DDX11: variants seen among roughly 807,000 people sequenced by gnomAD.
DDX11 encodes the protein ATP-dependent DNA helicase DDX11.
Under a neutral mutation model 125.2 loss-of-function variants are expected in DDX11, and 72 were observed. That is an observed-to-expected ratio of 0.58 (90% CI 0.48 to 0.70). The LOEUF (loss-of-function observed/expected upper bound fraction) is 0.70, where lower values mean the gene tolerates loss of function less well. DDX11 is among the 30% of genes least tolerant of loss of function. DDX11 has a pLI of 0.00. For synonymous variants in DDX11, 347 were observed against 452.6 expected (o/e 0.77, Z 2.96); for missense variants, 883 against 1,165.0 (o/e 0.76, Z 3.52).
intron 4 of DDX11, 33 bp from the exon 5 acceptor site, chr12:31,084,936 T>G: frequency 6.3e-7 from 1 of 1,583,316 alleles, no homozygotes; most frequent in Non-Finnish European, 8.6e-7. Context: ...TGAGACTTCT[T>G]CCTCCCTCAC....
chr12:31,099,939 T>G (rs1398051481), intron 18 of DDX11, among the ~76,000 whole-genome samples: 2 of 152,216 alleles, frequency 1.3e-5, no homozygotes, highest in African/African-American at 4.8e-5. Context: ...TTCCCTTTCC[T>G]GTTTTATTTA....
Position 31,102,314 on chromosome 12 carries a change from G to A in DDX11, c.2271+3G>A. ...TGGCATATTCCAGGTGCATCCAGGT[G>A]CGGGCGTCATGCTGGGCTTGGGTCT... On this transcript the variant is annotated splice_donor_region_variant and intron_variant, in intron 22 of 26. Coordinates refer to ENST00000542838, the MANE Select transcript of DDX11 (RefSeq NM_030653.4). The A allele has an allele frequency of 6.2e-7, 1 of 1,614,062 alleles. No individual in the cohort carries two copies. The highest frequency in any genetic ancestry group is 2.2e-5 in the East Asian group (1 of 44,886).
rs775380487 is a variant in DDX11 at position 31,097,904 on chromosome 12, C to T, written c.1782C>T (p.Thr594=). The T allele has an allele frequency of 3.1e-6, 5 of 1,613,140 alleles. No individual in the cohort carries two copies. The highest frequency in any genetic ancestry group is 4.2e-6 in the Non-Finnish European group (5 of 1,179,654). Residue 594 remains threonine, a synonymous_variant, in exon 18 of 27, where the codon ACC becomes ACT. Coordinates refer to ENST00000542838, the MANE Select transcript of DDX11 (RefSeq NM_030653.4). ...TTCCAGGCAGCCTCAGTCAGAGCAC[C>T]CTGAAGTTTTTGCTCCTGAATCCAG... ...LSRQGSLSQS[T]LKFLLLNPAV...
rs183260882 is a variant in DDX11 at position 31,102,278 on chromosome 12, G to A, written c.2238G>A (p.Glu746=). ...AACCTAAGAGCGCACACCAGGTGGA[G>A]CAGGTGCTGCTGGCATATTCCAGGT... The part of the protein sequence containing the change: ...FQEPKSAHQV[E]QVLLAYSRCI... Residue 746 remains glutamate (E), a synonymous_variant, in exon 22 of 27, where the codon GAG becomes GAA. Coordinates refer to ENST00000542838, the MANE Select transcript of DDX11 (RefSeq NM_030653.4). 4 of 1,614,200 alleles carry A rather than the reference G, an allele frequency of 2.5e-6. No individual in the cohort carries two copies. Among genetic ancestry groups the A allele is most frequent in the East Asian group, 4.5e-5 (2 of 44,888 alleles).
intron 2 of DDX11, among the ~76,000 whole-genome samples, chr12:31,083,101 C>T (rs370341765): frequency 6.6e-6 from 1 of 152,112 alleles, no homozygotes; most frequent in Non-Finnish European, 1.5e-5. Context: ...AGGAATACAA[C>T]TCAATCAGGC....
chr12:31,103,445 G>GGAGAA (rs1271362006), intron 25 of DDX11, 50 bp downstream of exon 25: 8 of 1,602,096 alleles, frequency 5.0e-6, no homozygotes, highest in Non-Finnish European at 6.8e-6. Flanking sequence ...CTGGAGAAAG[G>GGAGAA]GAGAACAGGA....
intron 18 of DDX11, among the ~76,000 whole-genome samples, chr12:31,098,687 G>A (rs573311426): frequency 6.6e-6 from 1 of 152,286 alleles, no homozygotes; most frequent in East Asian, 1.9e-4. Context: ...CTGAAGCAGT[G>A]CTTCCCAGCC....
chr12:31,096,763 G>T lies in DDX11; in HGVS notation c.1630+18G>T. 1 of 1,614,192 alleles carries T rather than the reference G, an allele frequency of 6.2e-7. No homozygotes were observed. Among genetic ancestry groups the T allele is most frequent in the Non-Finnish European group, 8.5e-7 (1 of 1,180,022 alleles). ...GACTGAAGGTGAGGCAGGAGGGTGGGCAGGCAGAGCCGGCTGCACGCATGG... is the reference window on the plus strand; with the variant it reads ...GACTGAAGGTGAGGCAGGAGGGTGGTCAGGCAGAGCCGGCTGCACGCATGG... On this transcript the variant is annotated intron_variant, in intron 16 of 26. Transcript: ENST00000542838.
At chr12:31,102,609 C>T in intron 23 of DDX11, 82 bp downstream of exon 23, 1 of 1,343,524 alleles carries the variant, frequency 7.4e-7, no homozygotes, top group Non-Finnish European at 1.1e-6. Flanking sequence ...TGCCTGCTCT[C>T]TGCTGCCATT....
rs778916509 is a variant in DDX11 at position 31,102,445 on chromosome 12, G to A, written c.2290G>A (p.Gly764Ser). The change falls in exon 23 of 27, where the codon GGC becomes AGC. Residue 764 changes from glycine (G) to serine (S), a missense_variant. Around this residue, in one of 5 missense-constraint regions of DDX11, gnomAD observed 285 missense variants for 346.0 expected, o/e 0.82. Transcript: ENST00000542838. ...RCIQACGQERGQVTGALLLSV... is the reference protein window; with the variant it reads ...RCIQACGQERSQVTGALLLSV... ...CCTACAGGCCTGTGGCCAGGAGAGA[G>A]GCCAGGTGACAGGGGCCCTGCTCCT... 3.7e-6 allele frequency: 6 copies of A among 1,614,038 alleles called. No individual in the cohort carries two copies. Among genetic ancestry groups the A allele is most frequent in the Admixed American group, 1.7e-5 (1 of 60,006 alleles).
chr12:31,082,363 G>A (rs1447147103), intron 2 of DDX11, among the ~76,000 whole-genome samples: 2 of 151,884 alleles, frequency 1.3e-5, no homozygotes, highest in Non-Finnish European at 2.9e-5. Context: ...GGAAGGTGCC[G>A]CTGTTGTCAT....
intron 8 of DDX11, 93 bp from the exon 9 acceptor site, chr12:31,089,793 G>A (rs1159686391): frequency 6.4e-7 from 1 of 1,551,844 alleles, no homozygotes; most frequent in Admixed American, 2.0e-5. Flanking sequence ...CTACCCCATG[G>A]AAGTGGGTCT....
At chr12:31,086,720 G>C (rs1943226629) in intron 5 of DDX11, among the ~76,000 whole-genome samples, 1 of 150,984 alleles carries the variant, frequency 6.6e-6, no homozygotes, top group South Asian at 2.1e-4. Context: ...CTGTAGGTCA[G>C]CTTCTGGGGC....
Position 31,099,659 on chromosome 12 carries a change from C to T in DDX11, c.1876-976C>T, listed in dbSNP as rs555775052. On this transcript the variant is annotated intron_variant, in intron 18 of 26. Transcript: ENST00000542838. Reference sequence around the variant, plus strand: ...GAACCAGGCTTCTCTCCGTGTGCTTCTGTTGTCAGTTTCATAGATAACTAG... The same window carrying T: ...GAACCAGGCTTCTCTCCGTGTGCTTTTGTTGTCAGTTTCATAGATAACTAG... Among the ~76,000 whole-genome samples, 92 of 151,938 alleles carry T rather than the reference C, an allele frequency of 6.1e-4. 1 individual carries two copies. In the South Asian group the frequency reaches 0.011, roughly 18 times the overall value.
At chr12:31,085,386 C>T (rs1465903371) in intron 5 of DDX11, among the ~76,000 whole-genome samples, 1 of 152,230 alleles carries the variant, frequency 6.6e-6, no homozygotes, top group Non-Finnish European at 1.5e-5. Context: ...GCCTTATACA[C>T]AAGGAGGCTG....
chr12:31,081,525 T>C (rs908727520), intron 2 of DDX11, among the ~76,000 whole-genome samples: 9 of 151,352 alleles, frequency 5.9e-5, no homozygotes, highest in African/African-American at 2.2e-4. Context: ...GTTCCGGGAG[T>C]CATCCAACCT....
chr12:31,096,610 T>A (rs781327101), intron 15 of DDX11, 27 bp from the exon 16 acceptor site: 2 of 1,611,886 alleles, frequency 1.2e-6, no homozygotes, highest in South Asian at 2.2e-5. Flanking sequence ...CTCGTTCCTC[T>A]CCACTGCTCT....
chr12:31,093,962 A>G (rs984513502), intron 12 of DDX11, among the ~76,000 whole-genome samples: 13 of 149,648 alleles, frequency 8.7e-5, no homozygotes, highest in African/African-American at 3.0e-4. Flanking sequence ...AAGCACTTGC[A>G]TATGCGGTTT....
chr12:31,083,502 CCTT>C (rs1369912089), intron 2 of DDX11, among the ~76,000 whole-genome samples: 6 of 151,968 alleles, frequency 3.9e-5, no homozygotes, highest in South Asian at 2.1e-4. Flanking sequence ...TAATGTCTCC[CCTT>C]CTTCTAATTA....
Sources: gnomAD v4.1 joint callset for allele counts (sites outside exome capture counted in the v4.1 genomes callset) on GRCh38, gnomAD v4.1.1 for gene constraint, gnomAD v4.1.1 regional missense constraint, MANE v1.5 for transcripts, NCBI Gene and HGNC (gene_info 2026-07-23, HGNC 2026-07-21) for gene names.